TMEM131: variants seen among roughly 807,000 people sequenced by gnomAD.
TMEM131 encodes the protein 2610524E03Rik.
In TMEM131, 66 loss-of-function variants were observed where a neutral mutation model predicts 211.6. That is an observed-to-expected ratio of 0.31 (90% confidence interval 0.26 to 0.38). The LOEUF (loss-of-function observed/expected upper bound fraction) is 0.38. Ranked by LOEUF, TMEM131 falls within the 10% of genes least tolerant of loss-of-function variation. The probability of loss-of-function intolerance (pLI) is 1.00; values close to 1 mark genes in which losing one functional copy is unlikely to be tolerated. For synonymous variants in TMEM131, 844 were observed against 841.3 expected (o/e 1.00, Z -0.06); for missense variants, 2,036 against 2,299.3 (o/e 0.89, Z 2.34).
intron 1 of TMEM131, among the ~76,000 whole-genome samples, chr2:97,946,530 G>A (rs920207409): frequency 4.0e-5 from 6 of 151,748 alleles, no homozygotes; most frequent in Admixed American, 2.0e-4. Flanking sequence ...AATACCAAAG[G>A]TCACTCACAA....
At chr2:97,930,294 T>C (rs1677165374) in intron 1 of TMEM131, among the ~76,000 whole-genome samples, 1 of 151,800 alleles carries the variant, frequency 6.6e-6, no homozygotes, top group Non-Finnish European at 1.5e-5. Context: ...GAACGACCAC[T>C]GAATGAGTTC....
chr2:97,870,577 A>C (rs1293499047), intron 4 of TMEM131, among the ~76,000 whole-genome samples: 1 of 152,182 alleles, frequency 6.6e-6, no homozygotes, highest in Non-Finnish European at 1.5e-5. Flanking sequence ...AGAATTAGAA[A>C]GCAGCAGCTA....
chr2:97,954,159 A>C lies in TMEM131; in HGVS notation c.188-26672T>G, dbSNP rs528292622. On this transcript the variant is annotated intron_variant, in intron 1 of 40. Transcript: ENST00000186436. ...AAAGCAAGTAGAATGAAAATTATAA[A>C]AACAAGAGCAGAAACCAATGAAATT... Among the ~76,000 whole-genome samples, 3 of 152,312 alleles carry C rather than the reference A, an allele frequency of 2.0e-5. No homozygotes were observed. The South Asian group carries it at 6.2e-4, about 32-fold the overall frequency.
At chr2:97,856,893 T>C (rs1673871024) in intron 5 of TMEM131, among the ~76,000 whole-genome samples, 1 of 152,224 alleles carries the variant, frequency 6.6e-6, no homozygotes, top group Non-Finnish European at 1.5e-5. Context: ...TTGAGCTAAA[T>C]CTTGACTATT....
chr2:97,758,903 T>C lies in TMEM131; in HGVS notation c.5357A>G (p.His1786Arg). The C allele has an allele frequency of 6.2e-7, 1 of 1,611,118 alleles. No homozygotes were observed. The highest frequency in any genetic ancestry group is 8.5e-7 in the Non-Finnish European group (1 of 1,178,496). The change falls in exon 40 of 41, where the codon CAC (histidine) becomes CGC (arginine). Residue 1786 changes from histidine (H) to arginine (R), a missense_variant. By Grantham distance (29) the His-to-Arg change is conservative. This residue lies in a region of TMEM131 where 1,623 missense variants were observed against 1,805.9 expected (regional missense o/e 0.90). Coordinates refer to ENST00000186436, the MANE Select transcript of TMEM131 (RefSeq NM_015348.2). The part of the protein sequence containing the change: ...SWPASSGSPT[H>R]TATSVLGNTS... ...GCCCCAAGTACTCACTGTGGCTGTGTGGGTCGGGGAGCCGGAACTGGCTGG... is the reference window on the plus strand; with the variant it reads ...GCCCCAAGTACTCACTGTGGCTGTGCGGGTCGGGGAGCCGGAACTGGCTGG...
chr2:97,905,216 G>A (rs1676020013), intron 3 of TMEM131, among the ~76,000 whole-genome samples: 1 of 152,012 alleles, frequency 6.6e-6, no homozygotes, highest in African/African-American at 2.4e-5. Context: ...TATTCCTGCT[G>A]GAAGCAGTGT....
chr2:97,798,577 G>C (rs886319523), intron 25 of TMEM131, among the ~76,000 whole-genome samples: 2 of 152,212 alleles, frequency 1.3e-5, no homozygotes, highest in African/African-American at 4.8e-5. Context: ...GCCAGAGATT[G>C]GTTCCAGGAT....
chr2:97,892,892 T>C (rs1675439635), intron 3 of TMEM131, among the ~76,000 whole-genome samples: 1 of 152,152 alleles, frequency 6.6e-6, no homozygotes, highest in Non-Finnish European at 1.5e-5. Flanking sequence ...CTATCATTTG[T>C]TGAAAAAGAC....
chr2:97,759,293 C>T (rs1559339401), intron 39 of TMEM131: 1 of 573,004 alleles, frequency 1.7e-6, no homozygotes, highest in Non-Finnish European at 3.1e-6. Context: ...CCCACTCTCA[C>T]ATGATAGCTA....
rs1024792643 is a variant in TMEM131 at position 97,939,897 on chromosome 2, T to C, written c.188-12410A>G. On this transcript the variant is annotated intron_variant, in intron 1 of 40. Coordinates refer to ENST00000186436, the MANE Select transcript of TMEM131 (RefSeq NM_015348.2). ...GCAAATCAATAAACGTAATCCATCA[T>C]ATAAACAGAACCAAAGACAAAAACT... 1.2e-4 allele frequency among the ~76,000 whole-genome samples: 19 copies of C among 152,286 alleles called. 1 individual carries two copies. The highest frequency in any genetic ancestry group is 4.6e-4 in the African/African-American group (19 of 41,552).
At chr2:97,930,275 G>A (rs1043147903) in intron 1 of TMEM131, among the ~76,000 whole-genome samples, 1 of 151,802 alleles carries the variant, frequency 6.6e-6, no homozygotes. Context: ...GCTATTAAGA[G>A]TTCCAATAGA....
intron 1 of TMEM131, among the ~76,000 whole-genome samples, chr2:97,941,337 A>G (rs1677716266): frequency 6.6e-6 from 1 of 152,226 alleles, no homozygotes; most frequent in African/African-American, 2.4e-5. Flanking sequence ...GATGGATTAA[A>G]GACTTACATG....
intron 8 of TMEM131, among the ~76,000 whole-genome samples, chr2:97,836,778 T>C (rs1682960640): frequency 6.6e-6 from 1 of 152,168 alleles, no homozygotes; most frequent in Admixed American, 6.5e-5. Flanking sequence ...TCATAAATTA[T>C]CAGACTCAGA....
intron 2 of TMEM131, among the ~76,000 whole-genome samples, chr2:97,911,279 T>G (rs567034337): frequency 2.0e-5 from 3 of 152,126 alleles, no homozygotes; most frequent in Non-Finnish European, 4.4e-5. Flanking sequence ...AGACTGGTGG[T>G]TGCCTAAAGA....
chr2:97,835,822 C>A (rs1682915101), intron 8 of TMEM131, among the ~76,000 whole-genome samples: 1 of 152,248 alleles, frequency 6.6e-6, no homozygotes, highest in Middle Eastern at 3.4e-3. Context: ...GGTCACAGCC[C>A]ATTGGCTTTT....
rs776427067 is a variant in TMEM131, at chr2:97,835,871, C to CT, written c.805-947dup. Among the ~76,000 whole-genome samples the CT allele has an allele frequency of 3.9e-4, 59 of 152,212 alleles. No homozygotes were observed. In the East Asian group the frequency reaches 5.0e-3, roughly 13 times the overall value. Reference sequence around the variant, plus strand: ...TTTGTAGGAATAAGAACTACCATATCTTTTTTTGCAGCCACTAGGACTATA... The same window carrying CT: ...TTTGTAGGAATAAGAACTACCATATCTTTTTTTTGCAGCCACTAGGACTATA... On this transcript the variant is annotated intron_variant, in intron 8 of 40. Coordinates refer to ENST00000186436, the MANE Select transcript of TMEM131 (RefSeq NM_015348.2).
chr2:97,758,885 G>A lies in TMEM131; in HGVS notation c.5367+8C>T. ...GTCCAGGCCCCAGCCCCAGCCCCAA[G>A]TACTCACTGTGGCTGTGTGGGTCGG... is the stretch of plus-strand genomic sequence containing the variant. On this transcript the variant is annotated splice_region_variant and intron_variant, in intron 40 of 40. Coordinates refer to ENST00000186436, the MANE Select transcript of TMEM131 (RefSeq NM_015348.2). 2 of 1,605,424 alleles carry A rather than the reference G, an allele frequency of 1.2e-6. No homozygotes were observed. The highest frequency in any genetic ancestry group is 2.2e-5 in the East Asian group (1 of 44,596).
chr2:97,994,200 G>C (rs948280228), intron 1 of TMEM131, among the ~76,000 whole-genome samples: 5 of 152,206 alleles, frequency 3.3e-5, no homozygotes, highest in Non-Finnish European at 5.9e-5. Context: ...ACTAACTGCA[G>C]ATCTGTGGCC....
chr2:97,955,574 C>G (rs1335176345), intron 1 of TMEM131, among the ~76,000 whole-genome samples: 1 of 152,118 alleles, frequency 6.6e-6, no homozygotes, highest in Non-Finnish European at 1.5e-5. Flanking sequence ...TCTAAAACTT[C>G]TAGAATAAGT....
Sources: gnomAD v4.1 joint callset for allele counts (sites outside exome capture counted in the v4.1 genomes callset) on GRCh38, gnomAD v4.1.1 for gene constraint, gnomAD v4.1.1 regional missense constraint, MANE v1.5 for transcripts, NCBI Gene and HGNC (gene_info 2026-07-23, HGNC 2026-07-21) for gene names.